The following ST6GAL1 variants were observed in gnomAD, a reference collection of about 807,000 sequenced individuals.
ST6GAL1 encodes beta-galactoside alpha-2,6-sialyltransferase 1.
A neutral mutation model predicts 38.0 loss-of-function variants in ST6GAL1; 20 were observed. That is an observed-to-expected ratio of 0.53 (90% CI 0.37 to 0.77). ST6GAL1 has a LOEUF of 0.77. ST6GAL1 is among the 30% of genes least tolerant of loss of function. The pLI, the probability that ST6GAL1 is intolerant of heterozygous loss-of-function variation, is 0.00. For synonymous variants in ST6GAL1, 196 were observed against 188.2 expected, an observed-to-expected ratio of 1.04 and a Z score of -0.34; for missense variants, 432 against 496.4, an observed-to-expected ratio of 0.87 and a Z score of 1.23.
intron 1 of ST6GAL1, among the ~76,000 whole-genome samples, chr3:186,953,367 C>T (rs1335321037): frequency 2.0e-5 from 3 of 152,194 alleles, no homozygotes; most frequent in African/African-American, 7.2e-5. Context: ...ACTTTGGTCT[C>T]AGAGCCTTTC....
At chr3:186,945,852 G>T (rs1411422790) in intron 1 of ST6GAL1, among the ~76,000 whole-genome samples, 1 of 151,586 alleles carries the variant, frequency 6.6e-6, no homozygotes, top group Non-Finnish European at 1.5e-5. Flanking sequence ...TTAGCCAGGC[G>T]TGGTGGTGGG....
chr3:187,008,485 A>G (rs967252395), intron 2 of ST6GAL1, among the ~76,000 whole-genome samples: 4 of 152,168 alleles, frequency 2.6e-5, no homozygotes, highest in Non-Finnish European at 5.9e-5. Context: ...GAATGCTGGA[A>G]GAACAAAAAA....
rs1383703578 is a variant in ST6GAL1, at chr3:187,075,663, G to T, written c.1081G>T (p.Asp361Tyr). The change falls in exon 8 of 8, where the codon GAT becomes TAT. Residue 361 changes from aspartate (D) to tyrosine (Y), a missense_variant. Physicochemically the swap from Asp to Tyr is radical, Grantham distance 160. Coordinates refer to ENST00000169298, the MANE Select transcript of ST6GAL1 (RefSeq NM_173216.2). The surrounding 1 kb of genome is among the most constrained non-coding windows in gnomAD (Gnocchi z 4.1). ...GTGCTACTACTACCAGAAGTTCTTC[G>T]ATAGTGCCTGCACGATGGGTGCCTA... ...DVCYYYQKFF[D>Y]SACTMGAYHP... is the part of the protein sequence containing the mutation. 3 of 1,614,158 alleles carry T rather than the reference G, an allele frequency of 1.9e-6. No homozygotes were observed. The highest frequency in any genetic ancestry group is 2.5e-6 in the Non-Finnish European group (3 of 1,180,018).
chr3:186,941,787 C>T (rs1320425904), intron 1 of ST6GAL1, among the ~76,000 whole-genome samples: 4 of 151,936 alleles, frequency 2.6e-5, no homozygotes, highest in Admixed American at 1.3e-4. Flanking sequence ...CCGAGGCAGG[C>T]GGATCATGAG....
At chr3:187,003,425 G>A (rs949494598) in intron 2 of ST6GAL1, among the ~76,000 whole-genome samples, 1 of 152,208 alleles carries the variant, frequency 6.6e-6, no homozygotes, top group Admixed American at 6.5e-5. Context: ...GGTACTCTGT[G>A]GCGCAGTCCA....
intron 5 of ST6GAL1, among the ~76,000 whole-genome samples, chr3:187,057,913 G>C (rs1035979189): frequency 3.3e-5 from 5 of 152,210 alleles, no homozygotes; most frequent in Non-Finnish European, 5.9e-5. Flanking sequence ...GGAGTCTACA[G>C]AGGCAGCAGG....
rs138053830 is a variant in ST6GAL1, at chr3:187,074,355, G to T, written c.979+22G>T. 703 of 1,525,412 alleles carry T rather than the reference G, an allele frequency of 4.6e-4. 13 individuals are homozygous for T. In the East Asian group the frequency reaches 0.017, roughly 36 times the overall value. The allele number at this position is 1,525,412 out of a possible 1,614,324, so 94.5% of individuals were successfully genotyped here. A position where few individuals can be genotyped will look rare whatever the true frequency, so the allele number is the denominator to read the frequency against. On this transcript the variant is annotated intron_variant, in intron 7 of 7. Transcript: ENST00000169298. ...CTTGGTGAGTTCATGTCGGGGAAAAGACCTTGCATGTTTGTTTCTAGAAGA... is the reference window on the plus strand; with the variant it reads ...CTTGGTGAGTTCATGTCGGGGAAAATACCTTGCATGTTTGTTTCTAGAAGA...
rs138016427 is a variant in ST6GAL1 at position 186,955,136 on chromosome 3, G to A, written c.-324-8649G>A. ...TGTCAGGTGTGGCAAAGATCAGATGGTTATAGATGTGTGGTCTTATTTCTG... is the reference window on the plus strand; with the variant it reads ...TGTCAGGTGTGGCAAAGATCAGATGATTATAGATGTGTGGTCTTATTTCTG... On this transcript the variant is annotated intron_variant, in intron 1 of 7. Transcript: ENST00000169298. Among the ~76,000 whole-genome samples, 828 of 152,304 alleles carry A rather than the reference G, an allele frequency of 5.4e-3. 8 individuals carry two copies. Among genetic ancestry groups the A allele is most frequent in the African/African-American group, 0.019 (788 of 41,562 alleles).
At chr3:186,944,799 G>A (rs1049249384) in intron 1 of ST6GAL1, among the ~76,000 whole-genome samples, 2 of 152,170 alleles carry the variant, frequency 1.3e-5, no homozygotes, top group Admixed American at 1.3e-4. Flanking sequence ...AGTCTGCGGA[G>A]GCACTCGTCG....
At chr3:186,931,414 C>T (rs1357744536) in intron 1 of ST6GAL1, 1 of 152,310 alleles carries the variant, frequency 6.6e-6, no homozygotes, top group Non-Finnish European at 1.5e-5. Context: ...GGGCATCAGA[C>T]TAAACTGCCA....
intron 2 of ST6GAL1, among the ~76,000 whole-genome samples, chr3:186,978,815 C>G (rs1715599861): frequency 1.3e-5 from 2 of 152,076 alleles, no homozygotes; most frequent in African/African-American, 2.4e-5. Context: ...TATACCCTGT[C>G]CCACCTCACA....
chr3:186,990,721 G>T (rs1716136727), intron 2 of ST6GAL1, among the ~76,000 whole-genome samples: 1 of 150,752 alleles, frequency 6.6e-6, no homozygotes, highest in Non-Finnish European at 1.5e-5. Flanking sequence ...TAGAAAGCAG[G>T]AGAATCGCTT....
At chr3:187,010,959 T>A (rs1716936783) in intron 2 of ST6GAL1, among the ~76,000 whole-genome samples, 1 of 152,184 alleles carries the variant, frequency 6.6e-6, no homozygotes, top group African/African-American at 2.4e-5. Context: ...TCTAGCCCCT[T>A]CTTCGGGGCC....
chr3:187,029,088 T>TTAAAAAAAAAAAA (rs1717647845), intron 2 of ST6GAL1, among the ~76,000 whole-genome samples: 1 of 105,978 alleles, frequency 9.4e-6, no homozygotes, highest in South Asian at 3.5e-4. Flanking sequence ...ACCTTGTCTC[T>TTAAAAAAAAAAAA]AAAAAAAAAA....
intron 2 of ST6GAL1, among the ~76,000 whole-genome samples, chr3:187,034,684 G>T (rs1450870683): frequency 6.6e-6 from 1 of 152,052 alleles, no homozygotes; most frequent in Admixed American, 6.6e-5. Flanking sequence ...TGCAGAAAAA[G>T]ATTTTGATAA....
At chr3:186,986,739 G>A (rs540124414) in intron 2 of ST6GAL1, 1 of 152,232 alleles carries the variant, frequency 6.6e-6, no homozygotes, top group African/African-American at 2.4e-5. Context: ...GAAGCAAGGG[G>A]ACAAGAGAGT....
chr3:187,055,146 C>G (rs1185760313), intron 5 of ST6GAL1, among the ~76,000 whole-genome samples: 7 of 151,730 alleles, frequency 4.6e-5, no homozygotes, highest in Non-Finnish European at 1.0e-4. Context: ...TGGTGATATC[C>G]CAATTTATCG....
Position 187,075,876 on chromosome 3 carries a change from A to C in ST6GAL1, c.*73A>C. 1 of 1,584,004 alleles carries C rather than the reference A, an allele frequency of 6.3e-7. No individual in the cohort carries two copies. Among genetic ancestry groups the C allele is most frequent in the Non-Finnish European group, 8.6e-7 (1 of 1,164,952 alleles). On this transcript the variant is annotated 3_prime_UTR_variant, in exon 8 of 8. Coordinates refer to ENST00000169298, the MANE Select transcript of ST6GAL1 (RefSeq NM_173216.2). The surrounding 1 kb of genome is among the most constrained non-coding windows in gnomAD (Gnocchi z 4.1). ...TTGGCCACCCCAGCCTGGGAAGAAC[A>C]TTTTCCTGAACAATTCCAGCCTGCT...
At chr3:187,057,621 G>T (rs1054763912) in intron 5 of ST6GAL1, among the ~76,000 whole-genome samples, 1 of 152,110 alleles carries the variant, frequency 6.6e-6, no homozygotes, top group African/African-American at 2.4e-5. Flanking sequence ...ACCAGCAGAG[G>T]CTGCAGAACA....
Sources: gnomAD v4.1 joint callset for allele counts (sites outside exome capture counted in the v4.1 genomes callset) on GRCh38, gnomAD v4.1.1 for gene constraint, Gnocchi (gnomAD v3.1) non-coding constraint, MANE v1.5 for transcripts, NCBI Gene and HGNC (gene_info 2026-07-23, HGNC 2026-07-21) for gene names.